The following ZFAND3 variants were observed in gnomAD, a reference collection of about 807,000 sequenced individuals.
ZFAND3 encodes AN1-type zinc finger protein 3.
ZFAND3 carries 10 observed loss-of-function variants against 29.6 expected under a neutral mutation model. That is an observed-to-expected ratio of 0.34 (90% CI 0.21 to 0.57). ZFAND3 has a LOEUF of 0.57. Among genes scored for constraint, ZFAND3 ranks in the 20% least tolerant of loss-of-function variants. ZFAND3 has a pLI of 0.86. For missense variants in ZFAND3, 230 were observed against 304.5 expected (o/e 0.76, Z 1.82); for synonymous variants, 128 against 112.6 (o/e 1.14, Z -0.87).
intron 2 of ZFAND3, among the ~76,000 whole-genome samples, chr6:37,945,516 C>T (rs1561942598): frequency 6.6e-6 from 1 of 152,050 alleles, no homozygotes; most frequent in Non-Finnish European, 1.5e-5. Flanking sequence ...CTGCTTCAGC[C>T]TCCCTGCACC....
chr6:37,868,061 A>G (rs1245726555), intron 1 of ZFAND3, among the ~76,000 whole-genome samples: 1 of 152,178 alleles, frequency 6.6e-6, no homozygotes, highest in African/African-American at 2.4e-5. Flanking sequence ...GAATGATGTT[A>G]ATTGTTAAAT....
intron 2 of ZFAND3, among the ~76,000 whole-genome samples, chr6:38,046,212 G>T (rs1376535329): frequency 6.6e-6 from 1 of 152,146 alleles, no homozygotes; most frequent in Non-Finnish European, 1.5e-5. Flanking sequence ...AAGGATTTTT[G>T]ATCTATAAGA....
chr6:37,937,737 A>G (rs1458678852), intron 2 of ZFAND3, among the ~76,000 whole-genome samples: 23 of 151,622 alleles, frequency 1.5e-4, no homozygotes, highest in Admixed American at 1.5e-3. Flanking sequence ...TGTTTTTGTA[A>G]TCTTTTTGAC....
At chr6:37,833,808 C>T (rs1198681987) in intron 1 of ZFAND3, among the ~76,000 whole-genome samples, 1 of 120,988 alleles carries the variant, frequency 8.3e-6, no homozygotes. Context: ...GCCTGGGCGA[C>T]AGAGTGACAC....
At chr6:37,926,151 C>T (rs201039140) in intron 1 of ZFAND3, among the ~76,000 whole-genome samples, 5 of 152,030 alleles carry the variant, frequency 3.3e-5, no homozygotes, top group South Asian at 2.1e-4. Context: ...AAGAGTGTTC[C>T]GGAAAGAAGG....
intron 2 of ZFAND3, among the ~76,000 whole-genome samples, chr6:37,980,860 A>G (rs1396236446): frequency 6.6e-6 from 1 of 152,192 alleles, no homozygotes. Flanking sequence ...ATTAAAACAT[A>G]AAGGAAAAAA....
intron 5 of ZFAND3, among the ~76,000 whole-genome samples, chr6:38,135,163 G>T (rs1440408505): frequency 6.6e-6 from 1 of 152,156 alleles, no homozygotes; most frequent in Non-Finnish European, 1.5e-5. Context: ...AACAAGCCCT[G>T]GATAAGTTGG....
intron 5 of ZFAND3, among the ~76,000 whole-genome samples, chr6:38,139,439 G>A (rs1765904385): frequency 6.6e-6 from 1 of 152,186 alleles, no homozygotes; most frequent in Non-Finnish European, 1.5e-5. Context: ...TGAAGGAAAA[G>A]TTCAAGATGC....
At chr6:37,978,806 A>G (rs984057802) in intron 2 of ZFAND3, among the ~76,000 whole-genome samples, 1 of 152,162 alleles carries the variant, frequency 6.6e-6, no homozygotes, top group Non-Finnish European at 1.5e-5. Flanking sequence ...CAGGGATTAC[A>G]GGCGCCGGCC....
At chr6:37,931,128 A>G (rs1163083957) in intron 2 of ZFAND3, among the ~76,000 whole-genome samples, 4 of 152,170 alleles carry the variant, frequency 2.6e-5, no homozygotes, top group Admixed American at 2.0e-4. Flanking sequence ...TGATGGTTAC[A>G]TTTTTAAAGG....
At chr6:37,972,151 T>C (rs771855988) in intron 2 of ZFAND3, among the ~76,000 whole-genome samples, 1 of 152,180 alleles carries the variant, frequency 6.6e-6, no homozygotes, top group Non-Finnish European at 1.5e-5. Context: ...TTGTTTGCAA[T>C]TTATTAGGCT....
chr6:37,917,252 T>G (rs774384964), intron 1 of ZFAND3, among the ~76,000 whole-genome samples: 5 of 152,126 alleles, frequency 3.3e-5, no homozygotes, highest in African/African-American at 4.8e-5. Flanking sequence ...GATCATAGAT[T>G]TATAGAATGT....
At chr6:37,879,644 A>C (rs1764855682) in intron 1 of ZFAND3, among the ~76,000 whole-genome samples, 1 of 152,234 alleles carries the variant, frequency 6.6e-6, no homozygotes, top group Non-Finnish European at 1.5e-5. Context: ...ATTTTAAAAG[A>C]GTATTCAAGT....
At chr6:38,023,334 A>G (rs1446776976) in intron 2 of ZFAND3, among the ~76,000 whole-genome samples, 2 of 152,226 alleles carry the variant, frequency 1.3e-5, no homozygotes, top group African/African-American at 4.8e-5. Context: ...TATTCCCAAC[A>G]GCTTAGCATG....
intron 2 of ZFAND3, among the ~76,000 whole-genome samples, chr6:37,950,305 A>G (rs1225088906): frequency 1.3e-5 from 2 of 151,324 alleles, no homozygotes; most frequent in South Asian, 4.2e-4. Flanking sequence ...GTCCAGTTTC[A>G]ATCTTCTAGC....
chr6:38,028,884 T>C (rs1327313864), intron 2 of ZFAND3, among the ~76,000 whole-genome samples: 2 of 152,202 alleles, frequency 1.3e-5, no homozygotes, highest in African/African-American at 4.8e-5. Context: ...TGGTGCAGAA[T>C]AGTCCATTCC....
intron 3 of ZFAND3, among the ~76,000 whole-genome samples, chr6:38,064,126 C>T (rs975658751): frequency 5.3e-5 from 8 of 152,128 alleles, no homozygotes; most frequent in African/African-American, 1.9e-4. Context: ...TAAAATTTCT[C>T]TACAGCTTAT....
chr6:37,988,843 A>G (rs1581817428), intron 2 of ZFAND3, among the ~76,000 whole-genome samples: 1 of 151,954 alleles, frequency 6.6e-6, no homozygotes, highest in African/African-American at 2.4e-5. Context: ...CAGCTTCCTG[A>G]GTGGTGTGCT....
chr6:37,827,887 A>T (rs1763788701), intron 1 of ZFAND3, among the ~76,000 whole-genome samples: 2 of 152,342 alleles, frequency 1.3e-5, no homozygotes, highest in East Asian at 1.9e-4. Flanking sequence ...ATGGAAGAGG[A>T]GGGCCAAGCC....
Sources: gnomAD v4.1 joint callset for allele counts (sites outside exome capture counted in the v4.1 genomes callset) on GRCh38, gnomAD v4.1.1 for gene constraint, MANE v1.5 for transcripts, NCBI Gene and HGNC (gene_info 2026-07-23, HGNC 2026-07-21) for gene names.